Variants in CADPS observed in about 807,000 individuals in gnomAD.
CADPS encodes the protein calcium dependent secretion activator.
A neutral mutation model predicts 167.3 loss-of-function variants in CADPS; 57 were observed. That is an observed-to-expected ratio of 0.34 (90% CI 0.28 to 0.42). The LOEUF is 0.42. Ranked by LOEUF, CADPS falls within the 20% of genes least tolerant of loss-of-function variation. The probability of loss-of-function intolerance (pLI) is 1.00; values close to 1 mark genes in which losing one functional copy is unlikely to be tolerated. For missense variants in CADPS, 1,414 were observed against 1,738.1 expected (o/e 0.81, Z 3.32); for synonymous variants, 676 against 635.3 (o/e 1.06, Z -0.96).
At chr3:62,430,444 T>G (rs1472842227) in intron 28 of CADPS, among the ~76,000 whole-genome samples, 1 of 152,056 alleles carries the variant, frequency 6.6e-6, no homozygotes, top group Non-Finnish European at 1.5e-5. Flanking sequence ...AAAAGCAGAT[T>G]TGGATGGTGG....
chr3:62,833,169 A>AT (rs1312487398), intron 1 of CADPS, among the ~76,000 whole-genome samples: 2 of 152,096 alleles, frequency 1.3e-5, no homozygotes, highest in Middle Eastern at 3.4e-3. Context: ...TGATTGATTG[A>AT]TTTGAGACAA....
At chr3:62,784,219 A>T (rs1372015801) in intron 1 of CADPS, among the ~76,000 whole-genome samples, 1 of 152,254 alleles carries the variant, frequency 6.6e-6, no homozygotes, top group Non-Finnish European at 1.5e-5. Flanking sequence ...ACAGTATGTG[A>T]TGTCAAATTA....
intron 3 of CADPS, among the ~76,000 whole-genome samples, chr3:62,704,442 A>G (rs1288342986): frequency 6.6e-6 from 1 of 152,126 alleles, no homozygotes; most frequent in African/African-American, 2.4e-5. Context: ...ATACGATTTA[A>G]TGATATCTAA....
intron 4 of CADPS, among the ~76,000 whole-genome samples, chr3:62,656,890 A>AC (rs944820513): frequency 6.6e-6 from 1 of 151,630 alleles, no homozygotes; most frequent in African/African-American, 2.4e-5. Flanking sequence ...GCTTCAGAGG[A>AC]CCCCCCTGGC....
intron 1 of CADPS, among the ~76,000 whole-genome samples, chr3:62,823,472 A>C (rs1056599980): frequency 6.6e-6 from 1 of 152,190 alleles, no homozygotes; most frequent in African/African-American, 2.4e-5. Flanking sequence ...TCAATGCAGT[A>C]CGATTTTTAA....
At chr3:62,756,050 T>C (rs1419957064) in intron 2 of CADPS, among the ~76,000 whole-genome samples, 1 of 143,852 alleles carries the variant, frequency 7.0e-6, no homozygotes, top group Non-Finnish European at 1.6e-5. Flanking sequence ...AATTTCTTTT[T>C]CTTTTTCTTT....
chr3:62,541,917 C>T (rs753031903), intron 11 of CADPS, among the ~76,000 whole-genome samples: 13 of 152,052 alleles, frequency 8.5e-5, no homozygotes, highest in Non-Finnish European at 1.6e-4. Flanking sequence ...GCAATAATGT[C>T]TAGCAAATAA....
chr3:62,867,300 T>C (rs1291940276), intron 1 of CADPS, among the ~76,000 whole-genome samples: 1 of 152,036 alleles, frequency 6.6e-6, no homozygotes, highest in African/African-American at 2.4e-5. Flanking sequence ...ACTCTGAGGA[T>C]CCCATCATTT....
intron 1 of CADPS, among the ~76,000 whole-genome samples, chr3:62,855,798 A>G (rs1004671219): frequency 1.3e-5 from 2 of 152,130 alleles, no homozygotes; most frequent in Non-Finnish European, 2.9e-5. Context: ...TCTGGCTATG[A>G]TTTCCAGTTT....
chr3:62,411,651 G>C (rs1316640742), intron 28 of CADPS, among the ~76,000 whole-genome samples: 1 of 152,130 alleles, frequency 6.6e-6, no homozygotes, highest in Admixed American at 6.5e-5. Flanking sequence ...CAGCCCCCTG[G>C]GTCTCTCAGG....
intron 7 of CADPS, among the ~76,000 whole-genome samples, chr3:62,586,099 G>C (rs1168734049): frequency 6.6e-6 from 1 of 152,166 alleles, no homozygotes; most frequent in Non-Finnish European, 1.5e-5. Context: ...GAGTTCTCAG[G>C]AGACACATGG....
chr3:62,596,955 GT>G (rs767374450), intron 6 of CADPS, among the ~76,000 whole-genome samples: 1 of 152,162 alleles, frequency 6.6e-6, no homozygotes, highest in Non-Finnish European at 1.5e-5. Flanking sequence ...TTTTAAAGCT[GT>G]TGCTGTTATT....
intron 3 of CADPS, among the ~76,000 whole-genome samples, chr3:62,715,584 A>T (rs1284691299): frequency 6.6e-6 from 1 of 151,022 alleles, no homozygotes; most frequent in African/African-American, 2.4e-5. Flanking sequence ...CTTGCAGATA[A>T]AGTCCTTAAA....
chr3:62,644,153 T>C (rs760678587), intron 6 of CADPS, among the ~76,000 whole-genome samples: 2 of 152,224 alleles, frequency 1.3e-5, no homozygotes, highest in African/African-American at 2.4e-5. Flanking sequence ...CTTTGAACTA[T>C]TTTGTTTGAA....
intron 1 of CADPS, among the ~76,000 whole-genome samples, chr3:62,867,795 ATTATT>A (rs949326299): frequency 3.5e-5 from 4 of 112,992 alleles, no homozygotes; most frequent in Non-Finnish European, 8.0e-5. Flanking sequence ...CATTCCAGAT[ATTATT>A]TTAACAGCTT....
intron 13 of CADPS, among the ~76,000 whole-genome samples, chr3:62,522,127 ATC>A (rs1561606058): frequency 4.2e-4 from 64 of 151,678 alleles, no homozygotes; most frequent in Admixed American, 8.5e-4. Context: ...CTATCTATCT[ATC>A]TATCTATCTA....
chr3:62,805,545 A>G (rs1233507199), intron 1 of CADPS, among the ~76,000 whole-genome samples: 1 of 152,158 alleles, frequency 6.6e-6, no homozygotes, highest in Non-Finnish European at 1.5e-5. Context: ...ATAGTTTATG[A>G]ACTGCCTTCA....
At position 62,601,093 on chromosome 3, in the gene CADPS, T is replaced by C. The variant is rs144108525; in HGVS notation, c.1326-8345A>G. Among the ~76,000 whole-genome samples the C allele has an allele frequency of 1.3e-5, 2 of 152,316 alleles. No individual in the cohort carries two copies. The highest frequency in any genetic ancestry group is 3.9e-4 in the East Asian group (2 of 5,180). Reference sequence around the variant, plus strand: ...AATGTAAGTCTTCATTTTAGGATTATAGACCAGGGGTTGTTAAACTATGGC... The same window carrying C: ...AATGTAAGTCTTCATTTTAGGATTACAGACCAGGGGTTGTTAAACTATGGC... On this transcript the variant is annotated intron_variant, in intron 6 of 29. Coordinates refer to ENST00000383710, the MANE Select transcript of CADPS (RefSeq NM_003716.4). This position sits in a 1 kb window ranked among gnomAD's most constrained non-coding sequence, Gnocchi z 4.3.
At chr3:62,560,798 G>A (rs192108167) in intron 9 of CADPS, among the ~76,000 whole-genome samples, 18 of 152,198 alleles carry the variant, frequency 1.2e-4, no homozygotes, top group Admixed American at 5.2e-4. Context: ...AGTGGATGGT[G>A]GGCTGGGCGC....
Sources: allele counts gnomAD v4.1 joint callset (sites outside exome capture counted in the v4.1 genomes callset), GRCh38; gene constraint gnomAD v4.1.1; non-coding constraint Gnocchi (gnomAD v3.1); transcripts MANE v1.5; gene names NCBI Gene and HGNC (gene_info 2026-07-23, HGNC 2026-07-21).